The following AUTS2 variants were observed in gnomAD, a reference collection of about 807,000 sequenced individuals.
The protein encoded by AUTS2 is activator of transcription and developmental regulator AUTS2, also known as autism susceptibility gene 2 protein.
A neutral mutation model predicts 112.4 loss-of-function variants in AUTS2; 17 were observed. The ratio of observed to expected loss-of-function variants is 0.15; its 90% CI spans 0.10 to 0.23. The LOEUF (loss-of-function observed/expected upper bound fraction) is 0.23. Ranked by LOEUF, AUTS2 falls within the 10% of genes least tolerant of loss-of-function variation. AUTS2 has a pLI of 1.00. For missense variants in AUTS2, 1,510 were observed against 1,701.6 expected (o/e 0.89, Z 1.98); for synonymous variants, 751 against 702.7 (o/e 1.07, Z -1.09).
intron 4 of AUTS2, among the ~76,000 whole-genome samples, chr7:70,349,147 G>A (rs562989828): frequency 2.9e-4 from 44 of 152,188 alleles, no homozygotes; most frequent in African/African-American, 1.0e-3. Flanking sequence ...TAAGTAACTT[G>A]CCAAAGCACA....
intron 1 of AUTS2, among the ~76,000 whole-genome samples, chr7:69,765,818 G>A (rs186632778): frequency 6.6e-6 from 1 of 152,000 alleles, no homozygotes; most frequent in Admixed American, 6.6e-5. Context: ...ATGGTGGCAC[G>A]TGCCTGTAGT....
intron 5 of AUTS2, among the ~76,000 whole-genome samples, chr7:70,660,139 T>C (rs1806990346): frequency 6.6e-6 from 1 of 151,120 alleles, no homozygotes; most frequent in African/African-American, 2.4e-5. Flanking sequence ...ACTGCACCAC[T>C]GTACTCCAGC....
At chr7:70,777,230 C>A (rs557362736) in intron 14 of AUTS2, 56 bp downstream of exon 14, 2 of 1,502,146 alleles carry the variant, frequency 1.3e-6, no homozygotes, top group East Asian at 2.3e-5. Flanking sequence ...GAGTGTGTGA[C>A]GTGCTCGGGA....
rs766766335 is a variant in AUTS2 at position 70,789,732 on chromosome 7, C to T, written c.2532-16C>T. 1 of 1,603,374 alleles carries T rather than the reference C, an allele frequency of 6.2e-7. No homozygotes were observed. The highest frequency in any genetic ancestry group is 8.5e-7 in the Non-Finnish European group (1 of 1,173,904). Reference sequence around the variant, plus strand: ...TTCATTTCATCTGCGTCCTTGTCTTCCCCTCTCTCCCCCAGGGAAAGCGTC... The same window carrying T: ...TTCATTTCATCTGCGTCCTTGTCTTTCCCTCTCTCCCCCAGGGAAAGCGTC... On this transcript the variant is annotated splice_polypyrimidine_tract_variant and intron_variant, in intron 18 of 18. Coordinates refer to ENST00000342771, the MANE Select transcript of AUTS2 (RefSeq NM_015570.4).
chr7:69,840,293 A>G (rs1184718470), intron 1 of AUTS2, among the ~76,000 whole-genome samples: 7 of 152,188 alleles, frequency 4.6e-5, no homozygotes. Flanking sequence ...TTTTGTTCAG[A>G]TTAAGCTCTG....
chr7:70,392,439 C>T (rs969954246), intron 4 of AUTS2, among the ~76,000 whole-genome samples: 7 of 152,230 alleles, frequency 4.6e-5, no homozygotes, highest in East Asian at 1.9e-4. Context: ...AATAGAAGGT[C>T]GTTACCAGGA....
At chr7:69,675,946 A>G (rs536938102) in intron 1 of AUTS2, among the ~76,000 whole-genome samples, 1 of 152,130 alleles carries the variant, frequency 6.6e-6, no homozygotes, top group Middle Eastern at 3.2e-3. Flanking sequence ...TAATTTTTAC[A>G]TTATATATTG....
intron 2 of AUTS2, among the ~76,000 whole-genome samples, chr7:69,978,081 C>T (rs1798132816): frequency 6.6e-6 from 1 of 152,146 alleles, no homozygotes; most frequent in Non-Finnish European, 1.5e-5. Context: ...AGAGTATTTG[C>T]ATGGTGCAAG....
intron 6 of AUTS2, among the ~76,000 whole-genome samples, chr7:70,761,279 T>G (rs896287279): frequency 6.6e-6 from 1 of 152,128 alleles, no homozygotes; most frequent in Admixed American, 6.5e-5. Flanking sequence ...GAATATCCAG[T>G]ACAGTCCAGC....
At position 70,327,761 on chromosome 7, in the gene AUTS2, G is replaced by T. The variant is rs1254065519; in HGVS notation, c.661-107991G>T. Reference sequence around the variant, plus strand: ...CTTTCTATTCCTCATCCCCTCCTTAGACTCCCTGTTTTTGTAATATGTTGT... The same window carrying T: ...CTTTCTATTCCTCATCCCCTCCTTATACTCCCTGTTTTTGTAATATGTTGT... On this transcript the variant is annotated intron_variant, in intron 4 of 18. Coordinates refer to ENST00000342771, the MANE Select transcript of AUTS2 (RefSeq NM_015570.4). Among the ~76,000 whole-genome samples the T allele has an allele frequency of 2.0e-5, 3 of 152,168 alleles. No homozygotes were observed. In the East Asian group the frequency reaches 5.8e-4, roughly 29 times the overall value.
intron 6 of AUTS2, among the ~76,000 whole-genome samples, chr7:70,762,633 C>G (rs1391498426): frequency 1.3e-5 from 2 of 152,166 alleles, no homozygotes; most frequent in Non-Finnish European, 2.9e-5. Flanking sequence ...CCCACACCCC[C>G]AGGGTCATTG....
At chr7:70,004,283 T>C in intron 2 of AUTS2, among the ~76,000 whole-genome samples, 1 of 132,474 alleles carries the variant, frequency 7.5e-6, no homozygotes, top group Non-Finnish European at 1.6e-5. Flanking sequence ...ATGAATGTGT[T>C]ATATATGAAT....
At chr7:70,421,824 A>T (rs1322119285) in intron 4 of AUTS2, among the ~76,000 whole-genome samples, 1 of 152,202 alleles carries the variant, frequency 6.6e-6, no homozygotes, top group Non-Finnish European at 1.5e-5. Context: ...CTAATAAGAG[A>T]TTGTGGATAC....
chr7:70,248,086 T>C (rs1348237735), intron 4 of AUTS2, among the ~76,000 whole-genome samples: 1 of 152,196 alleles, frequency 6.6e-6, no homozygotes, highest in Non-Finnish European at 1.5e-5. Flanking sequence ...TTATGACATA[T>C]TATGCCTTTC....
At chr7:70,533,373 C>T (rs939721158) in intron 5 of AUTS2, among the ~76,000 whole-genome samples, 6 of 152,252 alleles carry the variant, frequency 3.9e-5, no homozygotes, top group Admixed American at 1.3e-4. Flanking sequence ...CTGACCCTCC[C>T]GGAGTGATGG....
intron 5 of AUTS2, among the ~76,000 whole-genome samples, chr7:70,568,867 A>G (rs942247569): frequency 3.3e-5 from 5 of 152,216 alleles, no homozygotes; most frequent in Admixed American, 1.3e-4. Flanking sequence ...ACCCTCTGAC[A>G]TGACCTCAGG....
chr7:70,526,516 A>G (rs1039221538), intron 5 of AUTS2, among the ~76,000 whole-genome samples: 50 of 152,172 alleles, frequency 3.3e-4, no homozygotes, highest in Admixed American at 2.7e-3. Context: ...TACTAAAAAT[A>G]CATAAATTAG....
chr7:70,049,291 A>G (rs998513644), intron 2 of AUTS2, among the ~76,000 whole-genome samples: 4 of 152,110 alleles, frequency 2.6e-5, no homozygotes, highest in African/African-American at 9.7e-5. Flanking sequence ...GAAAGGAAGT[A>G]TATATCTTAC....
intron 1 of AUTS2, among the ~76,000 whole-genome samples, chr7:69,673,668 A>G (rs541826494): frequency 1.3e-5 from 2 of 152,348 alleles, no homozygotes; most frequent in African/African-American, 4.8e-5. Context: ...GTTTCTGTCA[A>G]TAGTCTGAAT....
Sources: gnomAD v4.1 joint callset for allele counts (sites outside exome capture counted in the v4.1 genomes callset) on GRCh38, gnomAD v4.1.1 for gene constraint, MANE v1.5 for transcripts, NCBI Gene and HGNC (gene_info 2026-07-23, HGNC 2026-07-21) for gene names.